SH3BP4: variants seen among roughly 807,000 people sequenced by gnomAD.
The protein encoded by SH3BP4 is SH3 domain binding protein 4.
In SH3BP4, 33 loss-of-function variants were observed where a neutral mutation model predicts 65.5. The observed-to-expected ratio is 0.50, with a 90% CI of 0.38 to 0.67. The LOEUF (loss-of-function observed/expected upper bound fraction) is 0.67, where lower values mean the gene tolerates loss of function less well. Among genes scored for constraint, SH3BP4 ranks in the 30% least tolerant of loss-of-function variants. SH3BP4 has a pLI of 0.00. For synonymous variants in SH3BP4, 552 were observed against 545.5 expected (o/e 1.01, Z -0.17); for missense variants, 1,134 against 1,261.4 (o/e 0.90, Z 1.53).
intron 3 of SH3BP4, among the ~76,000 whole-genome samples, chr2:235,036,740 A>AAAAAAAATAAATAATAAT (rs146049108): frequency 2.8e-4 from 40 of 141,772 alleles, no homozygotes; most frequent in African/African-American, 1.1e-3. Context: ...TCTATATAAA[A>AAAAAAAATAAATAATAAT]AATAATAATA....
chr2:234,998,139 A>T (rs2106279030), intron 2 of SH3BP4, among the ~76,000 whole-genome samples: 1 of 152,226 alleles, frequency 6.6e-6, no homozygotes, highest in African/African-American at 2.4e-5. Context: ...AAAATAAAAA[A>T]TAAAAAAGTC....
At chr2:235,001,396 C>G (rs1458650245) in intron 2 of SH3BP4, among the ~76,000 whole-genome samples, 1 of 152,200 alleles carries the variant, frequency 6.6e-6, no homozygotes, top group South Asian at 2.1e-4. Flanking sequence ...ACAAGCCTAT[C>G]GCACTTGGAG....
chr2:235,001,689 C>T (rs1694104809), intron 2 of SH3BP4, among the ~76,000 whole-genome samples: 1 of 152,126 alleles, frequency 6.6e-6, no homozygotes, highest in Admixed American at 6.5e-5. Flanking sequence ...TTAATAGAAA[C>T]CCACAGTCCA....
intron 1 of SH3BP4, among the ~76,000 whole-genome samples, chr2:234,963,005 C>T (rs1233198082): frequency 1.3e-5 from 2 of 152,200 alleles, no homozygotes; most frequent in Non-Finnish European, 2.9e-5. Context: ...CTGCCTCAGC[C>T]TCCCAAAGTG....
intron 2 of SH3BP4, among the ~76,000 whole-genome samples, chr2:235,000,051 C>T (rs935463517): frequency 1.3e-5 from 2 of 152,226 alleles, no homozygotes; most frequent in Non-Finnish European, 2.9e-5. Context: ...TGGTCTCCAC[C>T]ACTGATCCAT....
chr2:235,043,148 T>C lies in SH3BP4; in HGVS notation c.2379T>C (p.Ser793=), dbSNP rs1695734037. 3 of 1,613,084 alleles carry C rather than the reference T, an allele frequency of 1.9e-6. No homozygotes were observed. The highest frequency in any genetic ancestry group is 2.5e-6 in the Non-Finnish European group (3 of 1,179,492). Residue 793 remains serine (S), a synonymous_variant, in exon 4 of 6, where the codon AGT becomes AGC. Transcript: ENST00000392011. ...LTFFCRAELD[S]EPERVASVLE... is the part of the protein sequence containing the mutation. ...TTTTCTGCCGGGCAGAGCTGGATAG[T>C]GAGCCCGAGCGGGTGGCGTCCGTCC...
chr2:234,957,407 TCA>T (rs1047191806), intron 1 of SH3BP4, among the ~76,000 whole-genome samples: 3 of 151,956 alleles, frequency 2.0e-5, no homozygotes, highest in African/African-American at 7.2e-5. Flanking sequence ...TGCTCACCAT[TCA>T]TTGCACTGAG....
chr2:235,034,845 C>CT lies in SH3BP4; in HGVS notation c.-132-20dup, dbSNP rs1171449894. On this transcript the variant is annotated intron_variant, in intron 2 of 5. Coordinates refer to ENST00000392011, the MANE Select transcript of SH3BP4 (RefSeq NM_014521.3). This position sits in a 1 kb window ranked among gnomAD's most constrained non-coding sequence, Gnocchi z 6.2. ...ACCCATGTTTCGCTTGCTTAAGGGA[C>CT]TTTTTTGTTCCTCCTCTACTTTCAG... The CT allele has an allele frequency of 3.2e-6, 2 of 617,902 alleles. No individual in the cohort carries two copies. The highest frequency in any genetic ancestry group is 5.8e-5 in the Admixed American group (2 of 34,348). The allele number at this position is 617,902 out of a possible 1,614,324, so 38.3% of individuals were successfully genotyped here. A position where few individuals can be genotyped will look rare whatever the true frequency, so the allele number is the denominator to read the frequency against.
intron 1 of SH3BP4, among the ~76,000 whole-genome samples, chr2:234,988,205 G>A (rs570356944): frequency 1.2e-4 from 18 of 152,068 alleles, no homozygotes; most frequent in East Asian, 1.9e-4. Flanking sequence ...GACTATGGGC[G>A]CCCACCACCA....
chr2:235,013,255 C>T (rs374228874), intron 2 of SH3BP4, among the ~76,000 whole-genome samples: 1 of 152,150 alleles, frequency 6.6e-6, no homozygotes, highest in South Asian at 2.1e-4. Context: ...CTGTGTGGTT[C>T]GCTGCCAGCC....
At chr2:234,992,121 A>G (rs1351127354) in intron 1 of SH3BP4, among the ~76,000 whole-genome samples, 1 of 152,256 alleles carries the variant, frequency 6.6e-6, no homozygotes, top group African/African-American at 2.4e-5. Context: ...GCTGAAAGCC[A>G]CAGTGACGGA....
Position 234,967,090 on chromosome 2 carries a change from C to T in SH3BP4, c.-207+14920C>T, listed in dbSNP as rs1416924479. On this transcript the variant is annotated intron_variant, in intron 1 of 5. Coordinates refer to ENST00000392011, the MANE Select transcript of SH3BP4 (RefSeq NM_014521.3). The surrounding 1 kb of genome is among the most constrained non-coding windows in gnomAD (Gnocchi z 4.6). Reference sequence around the variant, plus strand: ...AACCATAGGAGGGGAGGGACTCTTACTGTCTCTGTTTAACAGATCGGGAAA... The same window carrying T: ...AACCATAGGAGGGGAGGGACTCTTATTGTCTCTGTTTAACAGATCGGGAAA... 6.6e-6 allele frequency among the ~76,000 whole-genome samples: 1 copy of T among 152,180 alleles called. No homozygotes were observed. The highest frequency in any genetic ancestry group is 1.5e-5 in the Non-Finnish European group (1 of 68,028).
At position 234,967,098 on chromosome 2, in the gene SH3BP4, G is replaced by A. The variant is rs185513534; in HGVS notation, c.-207+14928G>A. 5.0e-3 allele frequency among the ~76,000 whole-genome samples: 768 copies of A among 152,316 alleles called. 6 individuals are homozygous for A. The highest frequency in any genetic ancestry group is 7.0e-3 in the South Asian group (34 of 4,824). On this transcript the variant is annotated intron_variant, in intron 1 of 5. Coordinates refer to ENST00000392011, the MANE Select transcript of SH3BP4 (RefSeq NM_014521.3). The surrounding 1 kb of genome is among the most constrained non-coding windows in gnomAD (Gnocchi z 4.6). ...GAGGGGAGGGACTCTTACTGTCTCTGTTTAACAGATCGGGAAACTGAGGAA... is the reference window on the plus strand; with the variant it reads ...GAGGGGAGGGACTCTTACTGTCTCTATTTAACAGATCGGGAAACTGAGGAA...
chr2:235,015,438 C>T (rs1694659476), intron 2 of SH3BP4, among the ~76,000 whole-genome samples: 1 of 152,224 alleles, frequency 6.6e-6, no homozygotes, highest in Admixed American at 6.5e-5. Context: ...GCTGTTGTCC[C>T]TCCCTATGGT....
intron 2 of SH3BP4, among the ~76,000 whole-genome samples, chr2:235,008,135 A>T (rs1211918368): frequency 1.3e-5 from 2 of 152,058 alleles, no homozygotes; most frequent in African/African-American, 4.8e-5. Flanking sequence ...CAGTGTCGTG[A>T]GCCATTAGGT....
chr2:234,988,390 A>G (rs1313437591), intron 1 of SH3BP4, among the ~76,000 whole-genome samples: 2 of 152,172 alleles, frequency 1.3e-5, no homozygotes, highest in Non-Finnish European at 2.9e-5. Context: ...ATTCACCTTT[A>G]GCGAGTCTTT....
chr2:235,021,118 G>A (rs1240061094), intron 2 of SH3BP4, among the ~76,000 whole-genome samples: 1 of 152,088 alleles, frequency 6.6e-6, no homozygotes, highest in Non-Finnish European at 1.5e-5. Context: ...TCCCTTTACA[G>A]GAAAAGTTTG....
At chr2:235,010,752 C>A (rs1457348050) in intron 2 of SH3BP4, among the ~76,000 whole-genome samples, 1 of 100,510 alleles carries the variant, frequency 9.9e-6, no homozygotes, top group East Asian at 3.3e-4. Context: ...CAAGGACAAC[C>A]CTTCCTCCCT....
At chr2:234,989,927 C>G (rs1026569488) in intron 1 of SH3BP4, among the ~76,000 whole-genome samples, 2 of 152,200 alleles carry the variant, frequency 1.3e-5, no homozygotes, top group Non-Finnish European at 2.9e-5. Flanking sequence ...GCTGCAAACT[C>G]TGAAACTTTT....
Sources: allele counts gnomAD v4.1 joint callset (sites outside exome capture counted in the v4.1 genomes callset), GRCh38; gene constraint gnomAD v4.1.1; non-coding constraint Gnocchi (gnomAD v3.1); transcripts MANE v1.5; gene names NCBI Gene and HGNC (gene_info 2026-07-23, HGNC 2026-07-21).